The following PDE1B variants were observed in gnomAD, a reference collection of about 807,000 sequenced individuals.
The protein encoded by PDE1B is dual specificity calcium/calmodulin-dependent 3',5'-cyclic nucleotide phosphodiesterase 1B.
In PDE1B, 13 loss-of-function variants were observed where a neutral mutation model predicts 66.7. The ratio of observed to expected loss-of-function variants is 0.19; its 90% CI spans 0.13 to 0.31. PDE1B has a LOEUF of 0.31. PDE1B is among the 10% of genes least tolerant of loss of function. PDE1B has a pLI of 1.00. For synonymous variants in PDE1B, 230 were observed against 253.9 expected (o/e 0.91, Z 0.90); for missense variants, 485 against 682.3 (o/e 0.71, Z 3.22).
At position 54,573,095 on chromosome 12, in the gene PDE1B, G is replaced by A. The variant is rs114262843; in HGVS notation, c.736-53G>A. 5.6e-3 allele frequency: 7,301 copies of A among 1,306,612 alleles called. 297 individuals are homozygous for A. In the African/African-American group the frequency reaches 0.092, roughly 17 times the overall value. The allele number at this position is 1,306,612 out of a possible 1,614,324, so 80.9% of individuals were successfully genotyped here. On this transcript the variant is annotated intron_variant, in intron 7 of 15. Transcript: ENST00000243052. The surrounding 1 kb of genome is among the most constrained non-coding windows in gnomAD (Gnocchi z 5.2). ...CTAGCCTGTGTGTGGAGGTTCCTGGGAAGTGACCAGCAGGCGTCACCCCTC... is the reference window on the plus strand; with the variant it reads ...CTAGCCTGTGTGTGGAGGTTCCTGGAAAGTGACCAGCAGGCGTCACCCCTC...
rs139920915 is a variant in PDE1B at position 54,566,984 on chromosome 12, A to C, written c.124A>C (p.Met42Leu). 2 of 1,608,408 alleles carry C rather than the reference A, an allele frequency of 1.2e-6. No homozygotes were observed. Residue 42 changes from methionine to leucine, a missense_variant, in exon 3 of 16, where the codon ATG becomes CTG. Physicochemically the swap from Met to Leu is conservative, Grantham distance 15. Around this residue, in one of 4 missense-constraint regions of PDE1B, gnomAD observed 74 missense variants for 78.7 expected, o/e 0.94. Coordinates refer to ENST00000243052, the MANE Select transcript of PDE1B (RefSeq NM_000924.4). The stretch of plus-strand genomic sequence containing the variant: ...ATCTGCTCCCTGCAGGCTGCGCTAC[A>C]TGGTGAAGCAGTTGGAGAATGGGGA... ...WIKLRSLLRY[M>L]VKQLENGEIN...
intron 2 of PDE1B, chr12:54,561,689 C>G: frequency 1.5e-6 from 2 of 1,329,520 alleles, no homozygotes; most frequent in South Asian, 2.5e-5. Context: ...GGACAGGTTG[C>G]TCATGGATCC....
At chr12:54,555,544 C>T (rs1957332516) in intron 2 of PDE1B, among the ~76,000 whole-genome samples, 1 of 152,168 alleles carries the variant, frequency 6.6e-6, no homozygotes, top group South Asian at 2.1e-4. Flanking sequence ...TAACTACACC[C>T]TGCCAGGGAG....
chr12:54,564,648 A>C (rs774406391), intron 2 of PDE1B, among the ~76,000 whole-genome samples: 27 of 152,080 alleles, frequency 1.8e-4, no homozygotes, highest in South Asian at 1.2e-3. Context: ...AACAAACAAA[A>C]AAAAACAAAA....
At chr12:54,561,507 G>A (rs1025657778) in intron 2 of PDE1B, 1 of 1,411,798 alleles carries the variant, frequency 7.1e-7, no homozygotes, top group Non-Finnish European at 9.3e-7. Context: ...GGCCAAAGAG[G>A]AAGTTGTCCC....
In PDE1B at chr12:54,569,625, T is replaced by G; in HGVS notation, c.477+13T>G. 1.3e-6 allele frequency: 2 copies of G among 1,597,258 alleles called. No individual in the cohort carries two copies. The highest frequency in any genetic ancestry group is 2.2e-5 in the East Asian group (1 of 44,828). On this transcript the variant is annotated intron_variant, in intron 5 of 15. Transcript: ENST00000243052. The surrounding 1 kb of genome is among the most constrained non-coding windows in gnomAD (Gnocchi z 4.4). ...CAACTGTCTCAAGGTAATCTCTGGG[T>G]TTTTGGGAAAGAGGAGAAAGTTAGG...
intron 2 of PDE1B, among the ~76,000 whole-genome samples, chr12:54,558,756 G>A (rs1957370808): frequency 6.6e-6 from 1 of 152,220 alleles, no homozygotes; most frequent in East Asian, 1.9e-4. Context: ...TCTGAGGCCT[G>A]GATGGAAAGT....
In PDE1B at chr12:54,576,639, G is replaced by T. The variant is rs202001120; in HGVS notation, c.1445G>T (p.Arg482Leu). 5.6e-6 allele frequency: 9 copies of T among 1,613,988 alleles called. No individual in the cohort carries two copies. The highest frequency in any genetic ancestry group is 5.0e-5 in the Admixed American group (3 of 59,990). ...GDPNPDVVSF[R>L]STWVKRIQEN... ...CCCAACCCTGATGTGGTCAGCTTTC[G>T]TTCCACCTGGGTCAAGCGCATTCAG... Residue 482 changes from arginine to leucine, a missense_variant, in exon 14 of 16, where the codon CGT becomes CTT. Coordinates refer to ENST00000243052, the MANE Select transcript of PDE1B (RefSeq NM_000924.4).
Position 54,575,639 on chromosome 12 carries a change from GTCCTCTCCTGCAGGA to G in PDE1B, c.1267+8_1267+22del. ...GTGGCACAGTCTCAGATAGGTGAGT[GTCCTCTCCTGCAGGA>G]AGGGGAGGACTGGGAGGGGGAAAAG... On this transcript the variant is annotated splice_region_variant and intron_variant, in intron 12 of 15. Transcript: ENST00000243052. This position sits in a 1 kb window ranked among gnomAD's most constrained non-coding sequence, Gnocchi z 4.0. 6.3e-7 allele frequency: 1 copy of G among 1,590,542 alleles called. No individual in the cohort carries two copies. The highest frequency in any genetic ancestry group is 8.6e-7 in the Non-Finnish European group (1 of 1,160,240).
intron 2 of PDE1B, chr12:54,561,719 A>G: frequency 9.8e-7 from 1 of 1,022,906 alleles, no homozygotes; most frequent in Non-Finnish European, 1.5e-6. Context: ...AGTTTAGTGA[A>G]GTGGAGAGAT....
At chr12:54,565,464 G>T (rs1957497413) in intron 2 of PDE1B, among the ~76,000 whole-genome samples, 1 of 152,200 alleles carries the variant, frequency 6.6e-6, no homozygotes, top group South Asian at 2.1e-4. Flanking sequence ...CATTTAGCTG[G>T]GAAAGCCTTT....
intron 2 of PDE1B, among the ~76,000 whole-genome samples, chr12:54,555,353 A>AAT (rs1957330450): frequency 6.6e-6 from 1 of 152,186 alleles, no homozygotes; most frequent in Admixed American, 6.5e-5. Flanking sequence ...AGTCTCTTAG[A>AAT]ATCCAAATAT....
rs532530855 is a variant in PDE1B, at chr12:54,560,947, T to C, written c.114-6027T>C. Among the ~76,000 whole-genome samples, 8 of 152,218 alleles carry C rather than the reference T, an allele frequency of 5.3e-5. No homozygotes were observed. The South Asian group carries it at 1.0e-3, about 20-fold the overall frequency. On this transcript the variant is annotated intron_variant, in intron 2 of 15. Coordinates refer to ENST00000243052, the MANE Select transcript of PDE1B (RefSeq NM_000924.4). ...GCCCTTCCCTCCCTGTTGAGCCCGGTCTCTGGATAAGGATCCCCTGACACC... is the reference window on the plus strand; with the variant it reads ...GCCCTTCCCTCCCTGTTGAGCCCGGCCTCTGGATAAGGATCCCCTGACACC...
At position 54,549,998 on chromosome 12, in the gene PDE1B, C is replaced by G. The variant is rs1341349931; in HGVS notation, c.113+13C>G. The G allele has an allele frequency of 1.2e-6, 2 of 1,612,456 alleles. No homozygotes were observed. Among genetic ancestry groups the G allele is most frequent in the Non-Finnish European group, 1.7e-6 (2 of 1,178,940 alleles). ...AGCTTCGGTCTCTGTAAGTCCCCGG[C>G]CCGGGAATGGGGGGAAGGGACCTTA... is the stretch of plus-strand genomic sequence containing the variant. On this transcript the variant is annotated intron_variant, in intron 2 of 15. Coordinates refer to ENST00000243052, the MANE Select transcript of PDE1B (RefSeq NM_000924.4).
At chr12:54,558,741 T>G (rs1219427639) in intron 2 of PDE1B, among the ~76,000 whole-genome samples, 2 of 152,168 alleles carry the variant, frequency 1.3e-5, no homozygotes, top group African/African-American at 4.8e-5. Flanking sequence ...AATATCCAGG[T>G]GCCATCTGAG....
intron 2 of PDE1B, among the ~76,000 whole-genome samples, chr12:54,557,105 G>A (rs191536701): frequency 2.9e-4 from 44 of 152,234 alleles, no homozygotes; most frequent in African/African-American, 1.0e-3. Context: ...ACAGGCCAAC[G>A]GAATTGCCAA....
rs1366359739 is a variant in PDE1B, at chr12:54,549,636, G to A, written c.-150G>A. ...GGCGGCGGCGGTAGCGGCAGCAGCA[G>A]CGGCGGTGCGGAGAGCTTGGACTGG... On this transcript the variant is annotated 5_prime_UTR_variant, in exon 1 of 16. Coordinates refer to ENST00000243052, the MANE Select transcript of PDE1B (RefSeq NM_000924.4). 4 of 475,646 alleles carry A rather than the reference G, an allele frequency of 8.4e-6. No homozygotes were observed. The East Asian group carries it at 1.5e-4, about 17-fold the overall frequency. 29.5% of individuals were successfully genotyped at this position (475,646 alleles called of 1,614,324 possible). A position where few individuals can be genotyped will look rare whatever the true frequency, so the allele number is the denominator to read the frequency against.
intron 2 of PDE1B, among the ~76,000 whole-genome samples, chr12:54,560,645 C>T (rs571213784): frequency 1.3e-5 from 2 of 152,318 alleles, no homozygotes; most frequent in Admixed American, 1.3e-4. Flanking sequence ...AGGCTGGGTT[C>T]TTCCCTCCCC....
chr12:54,550,323 C>A, intron 2 of PDE1B: 1 of 933,256 alleles, frequency 1.1e-6, no homozygotes, highest in Non-Finnish European at 1.4e-6. Flanking sequence ...GGCTGACTCA[C>A]ACATATCCAT....
Sources: gnomAD v4.1 joint callset for allele counts (sites outside exome capture counted in the v4.1 genomes callset) on GRCh38, gnomAD v4.1.1 for gene constraint, gnomAD v4.1.1 regional missense constraint, Gnocchi (gnomAD v3.1) non-coding constraint, MANE v1.5 for transcripts, NCBI Gene and HGNC (gene_info 2026-07-23, HGNC 2026-07-21) for gene names.